Variants in ADGRL1 observed in about 807,000 individuals in gnomAD.
The protein encoded by ADGRL1 is CIRL-1.
A neutral mutation model predicts 148.9 loss-of-function variants in ADGRL1; 31 were observed. The observed-to-expected ratio is 0.21, with a 90% CI of 0.16 to 0.28. The LOEUF (loss-of-function observed/expected upper bound fraction) is 0.28, where lower values mean the gene tolerates loss of function less well. ADGRL1 is among the 10% of genes least tolerant of loss of function. ADGRL1 has a pLI of 1.00. For missense variants in ADGRL1, 1,521 were observed against 2,058.8 expected (o/e 0.74, Z 5.05); for synonymous variants, 937 against 900.3 (o/e 1.04, Z -0.73).
chr19:14,149,702 G>A lies in ADGRL1; in HGVS notation c.*1171C>T, dbSNP rs1967961614. The A allele has an allele frequency of 1.2e-5, 1 of 82,218 alleles. No individual in the cohort carries two copies. Among genetic ancestry groups the A allele is most frequent in the African/African-American group, 4.7e-5 (1 of 21,358 alleles). 5.1% of individuals were successfully genotyped at this position (82,218 alleles called of 1,614,324 possible). ...GAAAGGAGGGTGCCAGGAAGGAAAT[G>A]GGTTCTTTGTTTCGCTGTTGCATCT... On this transcript the variant is annotated 3_prime_UTR_variant, in exon 23 of 23. Coordinates refer to ENST00000361434, the MANE Select transcript of ADGRL1 (RefSeq NM_014921.5).
chr19:14,165,975 T>C (rs994331342), intron 4 of ADGRL1, among the ~76,000 whole-genome samples: 1 of 152,174 alleles, frequency 6.6e-6, no homozygotes, highest in East Asian at 1.9e-4. Context: ...CATCTCACCC[T>C]AGAAGCCCCT....
Position 14,155,787 on chromosome 19 carries a change from G to C in ADGRL1, c.3126-260C>G. On this transcript the variant is annotated intron_variant, in intron 17 of 22. Coordinates refer to ENST00000361434, the MANE Select transcript of ADGRL1 (RefSeq NM_014921.5). The surrounding 1 kb of genome is among the most constrained non-coding windows in gnomAD (Gnocchi z 5.0). ...TTCCTCTGCCAACTTCATTGTTTCT[G>C]CTAAATTTCCAGACCACTTAGGCTA... The C allele has an allele frequency of 1.7e-6, 1 of 577,032 alleles. No homozygotes were observed. Among genetic ancestry groups the C allele is most frequent in the South Asian group, 2.1e-5 (1 of 46,624 alleles). 35.7% of individuals were successfully genotyped at this position (577,032 alleles called of 1,614,324 possible).
intron 1 of ADGRL1, among the ~76,000 whole-genome samples, chr19:14,187,071 C>T (rs922420635): frequency 2.0e-5 from 3 of 152,216 alleles, no homozygotes; most frequent in African/African-American, 7.2e-5. Context: ...GGCACGGTGG[C>T]CCGTGCCTGT....
At position 14,162,786 on chromosome 19, in the gene ADGRL1, C is replaced by G; in HGVS notation, c.1015G>C (p.Val339Leu). Residue 339 changes from valine to leucine, a missense_variant, in exon 5 of 23, where the codon GTG becomes CTG. Around this residue, in one of 8 missense-constraint regions of ADGRL1, gnomAD observed 334 missense variants for 512.5 expected, o/e 0.65. Coordinates refer to ENST00000361434, the MANE Select transcript of ADGRL1 (RefSeq NM_014921.5). This position sits in a 1 kb window ranked among gnomAD's most constrained non-coding sequence, Gnocchi z 5.4. The part of the protein sequence containing the change: ...DDDSEAAGNR[V>L]DYAFNTNANR... ...GCATTGGTGTTGAAGGCATAGTCCA[C>G]GCGGTTGCCAGCCGCCTCGCTGTCA... The G allele has an allele frequency of 6.2e-7, 1 of 1,614,186 alleles. No homozygotes were observed. Among genetic ancestry groups the G allele is most frequent in the Non-Finnish European group, 8.5e-7 (1 of 1,180,030 alleles).
chr19:14,160,242 C>T lies in ADGRL1; in HGVS notation c.1670G>A (p.Arg557Gln), dbSNP rs767170139. 11 of 1,597,188 alleles carry T rather than the reference C, an allele frequency of 6.9e-6. No individual in the cohort carries two copies. Among genetic ancestry groups the T allele is most frequent in the Admixed American group, 3.3e-5 (2 of 59,732 alleles). Residue 557 changes from arginine to glutamine, a missense_variant, in exon 8 of 23, where the codon CGG (arginine) becomes CAG (glutamine). Physicochemically the swap from Arg to Gln is conservative, Grantham distance 43. Around this residue, in one of 8 missense-constraint regions of ADGRL1, gnomAD observed 270 missense variants for 320.4 expected, o/e 0.84. Coordinates refer to ENST00000361434, the MANE Select transcript of ADGRL1 (RefSeq NM_014921.5). This position sits in a 1 kb window ranked among gnomAD's most constrained non-coding sequence, Gnocchi z 5.9. ...GACGTCCCCCGCGTAGATGGAGCCCCGGGTGTGTCGGGCCAGCTCGCTGGC... is the reference window on the plus strand; with the variant it reads ...GACGTCCCCCGCGTAGATGGAGCCCTGGGTGTGTCGGGCCAGCTCGCTGGC... ...NIASELARHTRGSIYAGDVSS... is the reference protein window; with the variant it reads ...NIASELARHTQGSIYAGDVSS...
Position 14,151,568 on chromosome 19 carries a change from G to T in ADGRL1, c.3715C>A (p.Leu1239Met). ...TAACTGTTATTGAAGTTGCCGTTCA[G>T]GGGCAGGGTGTCCATGCCACAGGCT... is the stretch of plus-strand genomic sequence containing the variant. Reference protein sequence around the residue: ...REACGMDTLPLNGNFNNSYSL... With the variant: ...REACGMDTLPMNGNFNNSYSL... The change falls in exon 23 of 23, where the codon CTG (leucine) becomes ATG (methionine). Residue 1239 changes from leucine (L) to methionine (M), a missense_variant. By Grantham distance (15) the Leu-to-Met change is conservative. Transcript: ENST00000361434. The T allele has an allele frequency of 6.2e-7, 1 of 1,609,516 alleles. No individual in the cohort carries two copies.
In ADGRL1 at chr19:14,157,612, A is replaced by T. The variant is rs1968899788; in HGVS notation, c.2536-152T>A. 1.3e-6 allele frequency: 1 copy of T among 790,908 alleles called. No homozygotes were observed. Among genetic ancestry groups the T allele is most frequent in the Non-Finnish European group, 2.0e-6 (1 of 497,048 alleles). The allele number at this position is 790,908 out of a possible 1,614,324, so 49.0% of individuals were successfully genotyped here. A position where few individuals can be genotyped will look rare whatever the true frequency, so the allele number is the denominator to read the frequency against. On this transcript the variant is annotated intron_variant, in intron 13 of 22. Transcript: ENST00000361434. The surrounding 1 kb of genome is among the most constrained non-coding windows in gnomAD (Gnocchi z 7.5). ...TGGCAGCCCTCACCCCTCTGCACGCAGCAATGCGCTCACTTCCTCATGCTC... is the reference window on the plus strand; with the variant it reads ...TGGCAGCCCTCACCCCTCTGCACGCTGCAATGCGCTCACTTCCTCATGCTC...
At position 14,159,327 on chromosome 19, in the gene ADGRL1, C is replaced by G; in HGVS notation, c.2023+74G>C. 6.4e-7 allele frequency: 1 copy of G among 1,571,970 alleles called. No individual in the cohort carries two copies. The highest frequency in any genetic ancestry group is 8.7e-7 in the Non-Finnish European group (1 of 1,155,140). ...GATGCCCAAGGGTCGGATAGCCCCC[C>G]TGTGGCCTCCAGGCCAGAACCCCGT... is the stretch of plus-strand genomic sequence containing the variant. On this transcript the variant is annotated intron_variant, in intron 10 of 22. Transcript: ENST00000361434. The surrounding 1 kb of genome is among the most constrained non-coding windows in gnomAD (Gnocchi z 6.0).
intron 3 of ADGRL1, chr19:14,171,119 A>C: frequency 4.5e-6 from 1 of 223,210 alleles, no homozygotes; most frequent in Admixed American, 5.4e-5. Flanking sequence ...TTTTCCTCCT[A>C]CTCCAGCCAT....
chr19:14,174,656 C>T (rs557746535), intron 3 of ADGRL1, among the ~76,000 whole-genome samples: 9 of 151,806 alleles, frequency 5.9e-5, no homozygotes, highest in African/African-American at 1.9e-4. Flanking sequence ...CTGCCTCAGC[C>T]TCCCAAGTAT....
chr19:14,157,415 C>T lies in ADGRL1; in HGVS notation c.2581G>A (p.Val861Met). The T allele has an allele frequency of 6.2e-7, 1 of 1,614,162 alleles. No homozygotes were observed. The highest frequency in any genetic ancestry group is 8.5e-7 in the Non-Finnish European group (1 of 1,180,030). Residue 861 changes from valine to methionine, a missense_variant, in exon 14 of 23, where the codon GTG becomes ATG. Val to Met is a conservative substitution (Grantham distance 21). Coordinates refer to ENST00000361434, the MANE Select transcript of ADGRL1 (RefSeq NM_014921.5). This position sits in a 1 kb window ranked among gnomAD's most constrained non-coding sequence, Gnocchi z 7.5. ...CAGACCAGGGAGATCACAATGCCCACCCAGGTGATGACCGACAGCAGCAGC... is the reference window on the plus strand; with the variant it reads ...CAGACCAGGGAGATCACAATGCCCATCCAGGTGATGACCGACAGCAGCAGC... ...NELLLSVITW[V>M]GIVISLVCLA...
intron 1 of ADGRL1, among the ~76,000 whole-genome samples, chr19:14,197,147 C>CTG: frequency 6.6e-6 from 1 of 152,154 alleles, no homozygotes; most frequent in East Asian, 1.9e-4. Flanking sequence ...TGGCACACAC[C>CTG]TGTGGTCCTG....
In ADGRL1 at chr19:14,161,382, T is replaced by C; in HGVS notation, c.1440A>G (p.Val480=). 1 of 1,594,506 alleles carries C rather than the reference T, an allele frequency of 6.3e-7. No homozygotes were observed. The highest frequency in any genetic ancestry group is 8.5e-7 in the Non-Finnish European group (1 of 1,172,166). The part of the protein sequence containing the change: ...SPELFCEPRE[V]RRVQWPATQQ... Reference sequence around the variant, plus strand: ...GGGTGGCCGGCCACTGGACCCGCCGTACCTCTCGGGGCTCGCAGAAGAGCT... The same window carrying C: ...GGGTGGCCGGCCACTGGACCCGCCGCACCTCTCGGGGCTCGCAGAAGAGCT... Residue 480 remains valine (V), a synonymous_variant, in exon 6 of 23, where the codon GTA becomes GTG. Coordinates refer to ENST00000361434, the MANE Select transcript of ADGRL1 (RefSeq NM_014921.5). This position sits in a 1 kb window ranked among gnomAD's most constrained non-coding sequence, Gnocchi z 4.4.
intron 2 of ADGRL1, among the ~76,000 whole-genome samples, chr19:14,180,495 A>G (rs1971117742): frequency 6.6e-6 from 1 of 151,896 alleles, no homozygotes. Context: ...ACCTCAGGTG[A>G]TCCGCCCGCC....
At chr19:14,173,375 C>T (rs2144907412) in intron 3 of ADGRL1, among the ~76,000 whole-genome samples, 1 of 152,244 alleles carries the variant, frequency 6.6e-6, no homozygotes. Context: ...GGATTACAGG[C>T]ATGAGCCACC....
At position 14,160,790 on chromosome 19, in the gene ADGRL1, G is replaced by A. The variant is rs893139532; in HGVS notation, c.1511-94C>T. 5 of 754,946 alleles carry A rather than the reference G, an allele frequency of 6.6e-6. No homozygotes were observed. In the African/African-American group the frequency reaches 6.8e-5, roughly 10 times the overall value. 46.8% of individuals were successfully genotyped at this position (754,946 alleles called of 1,614,324 possible). ...GGGGAAAGGAGATGACAGAGAGTGG[G>A]GGACGAGCGGGCGAAGAGGGAGGTG... On this transcript the variant is annotated intron_variant, in intron 6 of 22. Transcript: ENST00000361434. This position sits in a 1 kb window ranked among gnomAD's most constrained non-coding sequence, Gnocchi z 5.9.
chr19:14,165,441 CAG>C (rs1025900923), intron 4 of ADGRL1, among the ~76,000 whole-genome samples: 6 of 152,142 alleles, frequency 3.9e-5, no homozygotes, highest in African/African-American at 9.6e-5. Flanking sequence ...CAGAGGGTGT[CAG>C]GGGGGAAAAA....
In ADGRL1 at chr19:14,161,281, TC is replaced by T; in HGVS notation, c.1510+30del. On this transcript the variant is annotated intron_variant, in intron 6 of 22. Transcript: ENST00000361434. The surrounding 1 kb of genome is among the most constrained non-coding windows in gnomAD (Gnocchi z 4.4). Reference sequence around the variant, plus strand: ...TAAGCTGCTGGGGGCATGGCCCCCATCCCTCCCCTGGCTGCAGCCTCTGTAC... The same window carrying T: ...TAAGCTGCTGGGGGCATGGCCCCCATCCTCCCCTGGCTGCAGCCTCTGTAC... The T allele has an allele frequency of 6.6e-7, 1 of 1,517,482 alleles. No individual in the cohort carries two copies. Among genetic ancestry groups the T allele is most frequent in the Non-Finnish European group, 8.8e-7 (1 of 1,140,344 alleles). 94.0% of individuals were successfully genotyped at this position (1,517,482 alleles called of 1,614,324 possible).
intron 1 of ADGRL1, among the ~76,000 whole-genome samples, chr19:14,205,497 C>T (rs1972932735): frequency 6.6e-6 from 1 of 151,992 alleles, no homozygotes; most frequent in African/African-American, 2.4e-5. Context: ...CAGCCCCCGA[C>T]ACGGCTCCTC....
Sources: gnomAD v4.1 joint callset for allele counts (sites outside exome capture counted in the v4.1 genomes callset) on GRCh38, gnomAD v4.1.1 for gene constraint, gnomAD v4.1.1 regional missense constraint, Gnocchi (gnomAD v3.1) non-coding constraint, MANE v1.5 for transcripts, NCBI Gene and HGNC (gene_info 2026-07-23, HGNC 2026-07-21) for gene names.